CSMD1: variants seen among roughly 807,000 people sequenced by gnomAD.
The protein encoded by CSMD1 is CUB and sushi domain-containing protein 1.
In CSMD1, 213 loss-of-function variants were observed where a neutral mutation model predicts 417.5. The observed-to-expected ratio is 0.51, with a 90% CI of 0.46 to 0.57. CSMD1 has a LOEUF of 0.57. Ranked by LOEUF, CSMD1 falls within the 20% of genes least tolerant of loss-of-function variation. The pLI is 0.00. For synonymous variants in CSMD1, 2,862 were observed against 1,736.8 expected (o/e 1.65, Z -16.11); for missense variants, 6,923 against 4,529.7 (o/e 1.53, Z -15.17).
At chr8:3,390,407 C>T (rs1401653825) in intron 17 of CSMD1, among the ~76,000 whole-genome samples, 1 of 147,394 alleles carries the variant, frequency 6.8e-6, no homozygotes, top group African/African-American at 2.5e-5. Context: ...GATTTATCTC[C>T]AATGGAACAA....
intron 10 of CSMD1, among the ~76,000 whole-genome samples, chr8:3,536,872 C>A (rs1216847392): frequency 6.6e-6 from 1 of 152,184 alleles, no homozygotes; most frequent in African/African-American, 2.4e-5. Flanking sequence ...ATAAGAATCC[C>A]AGGTAGAGAA....
intron 1 of CSMD1, among the ~76,000 whole-genome samples, chr8:4,868,784 G>T (rs1218368633): frequency 1.5e-4 from 3 of 20,066 alleles, no homozygotes; most frequent in Non-Finnish European, 1.2e-3. Context: ...TGTAAAAATT[G>T]TAAAAAAAAA....
chr8:4,637,247 C>T (rs879386070), intron 2 of CSMD1, 95 bp downstream of exon 2: 14 of 1,143,172 alleles, frequency 1.2e-5, no homozygotes, highest in Non-Finnish European at 1.8e-5. Context: ...GGAACCAACT[C>T]CGGACACAAT....
chr8:4,666,926 C>T (rs183733821), intron 1 of CSMD1, among the ~76,000 whole-genome samples: 6 of 151,960 alleles, frequency 3.9e-5, no homozygotes, highest in Non-Finnish European at 1.5e-5. Flanking sequence ...AAAAAAAGTT[C>T]TTTGCCTCAA....
intron 10 of CSMD1, among the ~76,000 whole-genome samples, chr8:3,568,271 C>G (rs1799800242): frequency 6.6e-6 from 1 of 152,128 alleles, no homozygotes; most frequent in Non-Finnish European, 1.5e-5. Context: ...TTTTACTCAT[C>G]AGAACACCTG....
Position 3,844,260 on chromosome 8 carries a change from C to T in CSMD1, c.819-90218G>A, listed in dbSNP as rs187817149. 4.6e-5 allele frequency among the ~76,000 whole-genome samples: 7 copies of T among 152,208 alleles called. No individual in the cohort carries two copies. The South Asian group carries it at 6.2e-4, about 14-fold the overall frequency. On this transcript the variant is annotated intron_variant, in intron 5 of 69. Coordinates refer to ENST00000635120, the MANE Select transcript of CSMD1 (RefSeq NM_033225.6). ...ATCTCTGTTGAGAGCAAGTTCCTGA[C>T]GGATGGGTGGGTGATATTTAGTGAG...
chr8:3,313,070 T>C (rs957954445), intron 23 of CSMD1, among the ~76,000 whole-genome samples: 7 of 152,226 alleles, frequency 4.6e-5, no homozygotes, highest in African/African-American at 7.2e-5. Context: ...TTCTATGATG[T>C]TAATTCTGCA....
chr8:3,290,769 C>T (rs188933885), intron 25 of CSMD1, among the ~76,000 whole-genome samples: 1 of 142,492 alleles, frequency 7.0e-6, no homozygotes, highest in Non-Finnish European at 1.5e-5. Flanking sequence ...TGTCATCTGC[C>T]AACAGGGACA....
chr8:4,029,065 G>C (rs1349690186), intron 4 of CSMD1, among the ~76,000 whole-genome samples: 4 of 152,182 alleles, frequency 2.6e-5, no homozygotes, highest in Non-Finnish European at 5.9e-5. Flanking sequence ...GACTGACAGT[G>C]TTGAAAGAGT....
chr8:4,949,367 T>G (rs1400994265), intron 1 of CSMD1, among the ~76,000 whole-genome samples: 1 of 152,200 alleles, frequency 6.6e-6, no homozygotes, highest in African/African-American at 2.4e-5. Flanking sequence ...TAAATGTTTG[T>G]GTAAAATTGC....
At chr8:4,860,373 G>C (rs973697861) in intron 1 of CSMD1, among the ~76,000 whole-genome samples, 2 of 151,020 alleles carry the variant, frequency 1.3e-5, no homozygotes, top group Admixed American at 1.3e-4. Flanking sequence ...TAACTAACCT[G>C]CACAATGGGC....
intron 3 of CSMD1, among the ~76,000 whole-genome samples, chr8:4,302,770 G>C (rs1425424847): frequency 6.6e-6 from 1 of 152,094 alleles, no homozygotes; most frequent in African/African-American, 2.4e-5. Flanking sequence ...ACTGAGTCCA[G>C]GTAGAGTTGG....
At chr8:4,461,544 T>A (rs1799818506) in intron 2 of CSMD1, among the ~76,000 whole-genome samples, 1 of 149,398 alleles carries the variant, frequency 6.7e-6, no homozygotes, top group Non-Finnish European at 1.5e-5. Flanking sequence ...TCCATATTTT[T>A]TTTTGGTGGG....
intron 3 of CSMD1, among the ~76,000 whole-genome samples, chr8:4,245,091 A>G (rs1019185076): frequency 3.9e-5 from 6 of 152,330 alleles, no homozygotes; most frequent in South Asian, 2.1e-4. Flanking sequence ...TCTGGAATGA[A>G]TAACGACCCT....
intron 3 of CSMD1, among the ~76,000 whole-genome samples, chr8:4,293,379 G>C (rs754795609): frequency 1.3e-5 from 2 of 152,110 alleles, no homozygotes; most frequent in African/African-American, 4.8e-5. Context: ...TAAATTTATT[G>C]AGCAACTCTT....
chr8:2,982,027 G>C (rs1178392549), intron 54 of CSMD1, among the ~76,000 whole-genome samples: 1 of 152,102 alleles, frequency 6.6e-6, no homozygotes, highest in African/African-American at 2.4e-5. Context: ...CTTACTCAGA[G>C]ATGTCTTCTT....
At chr8:4,439,318 A>C (rs930171246) in intron 2 of CSMD1, among the ~76,000 whole-genome samples, 5 of 152,182 alleles carry the variant, frequency 3.3e-5, no homozygotes, top group African/African-American at 1.2e-4. Flanking sequence ...TTGGTAATCA[A>C]TACGTTAAAT....
At chr8:3,532,955 T>C (rs1279353554) in intron 10 of CSMD1, among the ~76,000 whole-genome samples, 1 of 152,222 alleles carries the variant, frequency 6.6e-6, no homozygotes, top group African/African-American at 2.4e-5. Flanking sequence ...TATTATCATG[T>C]AGAGTCTCAT....
At chr8:3,431,092 C>A (rs989563954) in intron 12 of CSMD1, among the ~76,000 whole-genome samples, 1 of 152,088 alleles carries the variant, frequency 6.6e-6, no homozygotes, top group Non-Finnish European at 1.5e-5. Flanking sequence ...ACTTTCTGTT[C>A]TAGACAGTAA....
Sources: allele counts gnomAD v4.1 joint callset (sites outside exome capture counted in the v4.1 genomes callset), GRCh38; gene constraint gnomAD v4.1.1; transcripts MANE v1.5; gene names NCBI Gene and HGNC (gene_info 2026-07-23, HGNC 2026-07-21).